The following ANKRD6 variants were observed in gnomAD, a reference collection of about 807,000 sequenced individuals.
ANKRD6 encodes ankyrin repeat domain 6.
In ANKRD6, 56 loss-of-function variants were observed where a neutral mutation model predicts 82.3. The observed-to-expected ratio is 0.68, with a 90% CI of 0.55 to 0.85. The LOEUF (loss-of-function observed/expected upper bound fraction) is 0.85. Among genes scored for constraint, ANKRD6 ranks in the 40% least tolerant of loss-of-function variants. The pLI is 0.00. For synonymous variants in ANKRD6, 347 were observed against 352.1 expected (o/e 0.99, Z 0.16); for missense variants, 852 against 907.6 (o/e 0.94, Z 0.79).
At chr6:89,601,420 A>T (rs1269823716) in intron 3 of ANKRD6, among the ~76,000 whole-genome samples, 1 of 152,178 alleles carries the variant, frequency 6.6e-6, no homozygotes, top group East Asian at 1.9e-4. Flanking sequence ...TGACAGGGAC[A>T]GTCCTGTTAC....
intron 1 of ANKRD6, among the ~76,000 whole-genome samples, chr6:89,483,722 G>C (rs1471733547): frequency 4.6e-5 from 7 of 152,190 alleles, no homozygotes; most frequent in Admixed American, 2.6e-4. Context: ...AATACTACTA[G>C]GTGATTATTA....
chr6:89,569,470 T>A (rs1350629477), intron 2 of ANKRD6, among the ~76,000 whole-genome samples: 1 of 152,226 alleles, frequency 6.6e-6, no homozygotes, highest in African/African-American at 2.4e-5. Context: ...TGTATACATA[T>A]ATTCTGTTTA....
intron 1 of ANKRD6, among the ~76,000 whole-genome samples, chr6:89,540,502 G>A (rs767463119): frequency 6.6e-6 from 1 of 152,086 alleles, no homozygotes; most frequent in Non-Finnish European, 1.5e-5. Flanking sequence ...AGTTGTTTGA[G>A]CTCCTTATAT....
intron 3 of ANKRD6, among the ~76,000 whole-genome samples, chr6:89,599,483 C>T (rs1215369564): frequency 6.6e-6 from 1 of 152,154 alleles, no homozygotes. Context: ...GTATCATATG[C>T]AAGTAAGAAT....
chr6:89,464,133 C>T (rs927287129), intron 1 of ANKRD6, among the ~76,000 whole-genome samples: 6 of 151,864 alleles, frequency 4.0e-5, no homozygotes, highest in South Asian at 2.1e-4. Context: ...TGGGGAGTAC[C>T]GTTATTAGTC....
chr6:89,616,321 C>A (rs543847635), intron 7 of ANKRD6: 40 of 535,500 alleles, frequency 7.5e-5, no homozygotes, highest in Non-Finnish European at 1.2e-4. Context: ...TGCGTTTAAT[C>A]CTGCTGCGTG....
intron 1 of ANKRD6, among the ~76,000 whole-genome samples, chr6:89,496,340 A>G (rs1387671663): frequency 1.3e-5 from 2 of 152,050 alleles, no homozygotes; most frequent in Non-Finnish European, 2.9e-5. Flanking sequence ...GGGCAGAGTA[A>G]ATTACCAGCT....
intron 1 of ANKRD6, among the ~76,000 whole-genome samples, chr6:89,457,462 T>C (rs1386408641): frequency 6.6e-6 from 1 of 152,268 alleles, no homozygotes; most frequent in Non-Finnish European, 1.5e-5. Context: ...TAAACATTAC[T>C]AAATGCTATC....
intron 3 of ANKRD6, among the ~76,000 whole-genome samples, chr6:89,599,466 T>A (rs921484236): frequency 6.6e-6 from 1 of 152,184 alleles, no homozygotes; most frequent in African/African-American, 2.4e-5. Context: ...ATGATTGACT[T>A]AGGTAGGTAT....
intron 2 of ANKRD6, among the ~76,000 whole-genome samples, chr6:89,591,248 C>A (rs1345449804): frequency 6.6e-6 from 1 of 152,076 alleles, no homozygotes; most frequent in East Asian, 1.9e-4. Flanking sequence ...GGACTACAGG[C>A]GCACAAAACA....
chr6:89,610,911 T>C (rs1378877267), intron 5 of ANKRD6, among the ~76,000 whole-genome samples: 2 of 151,904 alleles, frequency 1.3e-5, no homozygotes, highest in African/African-American at 4.8e-5. Context: ...AAAATAGGGA[T>C]GCTGGATACC....
intron 2 of ANKRD6, among the ~76,000 whole-genome samples, chr6:89,587,667 A>C (rs1250794382): frequency 6.6e-6 from 1 of 152,136 alleles, no homozygotes; most frequent in Non-Finnish European, 1.5e-5. Context: ...CAGTGCAGGA[A>C]TTACCCTCTG....
At chr6:89,554,689 G>C (rs572783788) in intron 1 of ANKRD6, among the ~76,000 whole-genome samples, 7 of 152,258 alleles carry the variant, frequency 4.6e-5, no homozygotes, top group African/African-American at 1.7e-4. Context: ...CAGGCTGTGT[G>C]GTTGCATTGA....
chr6:89,576,890 C>A (rs895767061), intron 2 of ANKRD6, among the ~76,000 whole-genome samples: 4 of 152,168 alleles, frequency 2.6e-5, no homozygotes, highest in African/African-American at 9.7e-5. Flanking sequence ...TTCGCCCTGT[C>A]TCCTGATCCC....
At chr6:89,453,157 C>T (rs910370695) in intron 1 of ANKRD6, among the ~76,000 whole-genome samples, 6 of 152,214 alleles carry the variant, frequency 3.9e-5, no homozygotes, top group Admixed American at 3.3e-4. Context: ...ACAGGCGGTT[C>T]TTGCTTTACA....
intron 1 of ANKRD6, among the ~76,000 whole-genome samples, chr6:89,501,526 T>G: frequency 6.6e-6 from 1 of 152,232 alleles, no homozygotes; most frequent in East Asian, 1.9e-4. Context: ...ACGAGAATGC[T>G]AGGCTTATTC....
intron 1 of ANKRD6, among the ~76,000 whole-genome samples, chr6:89,456,610 GA>G (rs1398834431): frequency 2.0e-5 from 3 of 152,124 alleles, no homozygotes; most frequent in African/African-American, 4.8e-5. Flanking sequence ...GTCACATTCT[GA>G]GGTATTGGGA....
intron 1 of ANKRD6, among the ~76,000 whole-genome samples, chr6:89,535,520 A>G (rs955078326): frequency 6.6e-6 from 1 of 152,198 alleles, no homozygotes; most frequent in African/African-American, 2.4e-5. Flanking sequence ...TGATGCACAT[A>G]TGGTTGTTTG....
At chr6:89,460,697 A>C (rs1774022462) in intron 1 of ANKRD6, among the ~76,000 whole-genome samples, 2 of 151,894 alleles carry the variant, frequency 1.3e-5, no homozygotes, top group African/African-American at 2.4e-5. Context: ...TGGCCTCCCA[A>C]AGTGCTGGGA....
Sources: allele counts gnomAD v4.1 joint callset (sites outside exome capture counted in the v4.1 genomes callset), GRCh38; gene constraint gnomAD v4.1.1; transcripts MANE v1.5; gene names NCBI Gene and HGNC (gene_info 2026-07-23, HGNC 2026-07-21).